Variants in SAMD12 observed in about 807,000 individuals in gnomAD.
SAMD12 encodes the protein sterile alpha motif domain-containing protein 12.
A neutral mutation model predicts 15.0 loss-of-function variants in SAMD12; 9 were observed. The ratio of observed to expected loss-of-function variants is 0.60; its 90% CI spans 0.36 to 1.05. The LOEUF is 1.05. Ranked by LOEUF, SAMD12 falls within the 50% of genes least tolerant of loss-of-function variation. The pLI is 0.01. For synonymous variants in SAMD12, 86 were observed against 90.1 expected (o/e 0.96, Z 0.25); for missense variants, 230 against 234.2 (o/e 0.98, Z 0.12).
intron 2 of SAMD12, among the ~76,000 whole-genome samples, chr8:118,492,655 C>A (rs2131018607): frequency 6.6e-6 from 1 of 152,104 alleles, no homozygotes; most frequent in African/African-American, 2.4e-5. Context: ...CCAGTATATC[C>A]CCCAGTTATT....
the SAMD12 span, among the ~76,000 whole-genome samples, chr8:118,177,377 A>G: frequency 6.6e-6 from 1 of 151,950 alleles, no homozygotes; most frequent in South Asian, 2.1e-4. Flanking sequence ...AGTAGCTGGG[A>G]CTATGGGCAT....
chr8:118,515,169 C>A (rs10091934), intron 2 of SAMD12, among the ~76,000 whole-genome samples: 8,226 of 149,594 alleles, frequency 0.055, 740 homozygotes, highest in African/African-American at 0.19. Flanking sequence ...TAGGCGCCCG[C>A]CACCACGCCC....
chr8:118,438,312 G>A (rs186635890), intron 3 of SAMD12, among the ~76,000 whole-genome samples: 3 of 152,186 alleles, frequency 2.0e-5, no homozygotes, highest in Admixed American at 1.3e-4. Context: ...AGCTACAATT[G>A]GGTGTTTTCC....
intron 2 of SAMD12, among the ~76,000 whole-genome samples, chr8:118,554,233 C>A (rs1025738451): frequency 9.2e-5 from 14 of 152,068 alleles, no homozygotes; most frequent in Non-Finnish European, 1.3e-4. Context: ...CACATGCACA[C>A]GTATGTTTAT....
intron 4 of SAMD12, among the ~76,000 whole-genome samples, chr8:118,214,295 C>T (rs182408643): frequency 2.0e-4 from 31 of 152,342 alleles, no homozygotes; most frequent in African/African-American, 7.0e-4. Context: ...ACTACAATGT[C>T]ACTTTAGACA....
rs189429842 is a variant in SAMD12, at chr8:118,582,600, C to T, written c.14-1707G>A. On this transcript the variant is annotated intron_variant, in intron 1 of 3. Coordinates refer to ENST00000314727, the MANE Select transcript of SAMD12 (RefSeq NM_207506.3). ...TATTAGTTCATACCTCCCTTTTGGG[C>T]TTTGTTCTGAATCTCAAATGATCTT... is the stretch of plus-strand genomic sequence containing the variant. Among the ~76,000 whole-genome samples the T allele has an allele frequency of 4.0e-3, 609 of 152,280 alleles. 3 individuals are homozygous for T. The highest frequency in any genetic ancestry group is 6.9e-3 in the Non-Finnish European group (470 of 68,022).
chr8:118,309,494 C>T (rs1815528786), intron 4 of SAMD12, among the ~76,000 whole-genome samples: 1 of 151,874 alleles, frequency 6.6e-6, no homozygotes, highest in South Asian at 2.1e-4. Context: ...GAATTGTGCT[C>T]TTACAAATAT....
In SAMD12 at chr8:118,329,091, A is replaced by G. The variant is rs192465851; in HGVS notation, c.433+50469T>C. On this transcript the variant is annotated intron_variant, in intron 4 of 4. Coordinates refer to the SAMD12 transcript ENST00000409003. ...TAAGAGTGCAGCACAGTTGTTTGCT[A>G]AAGATTAAGAGGAAGAAATTTTGGA... Among the ~76,000 whole-genome samples, 53 of 152,308 alleles carry G rather than the reference A, an allele frequency of 3.5e-4. 1 individual carries two copies. In the Middle Eastern group the frequency reaches 0.01, roughly 29 times the overall value.
chr8:118,544,301 A>G (rs1228252551), intron 2 of SAMD12, among the ~76,000 whole-genome samples: 1 of 152,214 alleles, frequency 6.6e-6, no homozygotes, highest in Non-Finnish European at 1.5e-5. Context: ...AAAGTGAAGT[A>G]GTCTTCCACA....
At chr8:118,253,244 G>A (rs1352448270) in intron 4 of SAMD12, among the ~76,000 whole-genome samples, 1 of 152,190 alleles carries the variant, frequency 6.6e-6, no homozygotes, top group Non-Finnish European at 1.5e-5. Context: ...CAGAAAGGCA[G>A]TGTACTATTA....
At chr8:118,534,060 T>A (rs962208615) in intron 2 of SAMD12, among the ~76,000 whole-genome samples, 1 of 152,240 alleles carries the variant, frequency 6.6e-6, no homozygotes, top group Non-Finnish European at 1.5e-5. Flanking sequence ...CAATTTGGCA[T>A]GTTTTTGCAG....
At chr8:118,612,841 A>G (rs1368733999) in intron 1 of SAMD12, among the ~76,000 whole-genome samples, 1 of 152,262 alleles carries the variant, frequency 6.6e-6, no homozygotes, top group African/African-American at 2.4e-5. Context: ...AAACTGCTGT[A>G]TAGATATTCC....
intron 2 of SAMD12, among the ~76,000 whole-genome samples, chr8:118,553,491 G>GA (rs1356086602): frequency 1.3e-5 from 2 of 152,324 alleles, no homozygotes; most frequent in East Asian, 1.9e-4. Context: ...GTAGAAAGCT[G>GA]AAACTGGATC....
At chr8:118,345,948 G>A (rs1210972028) in intron 4 of SAMD12, among the ~76,000 whole-genome samples, 2 of 152,200 alleles carry the variant, frequency 1.3e-5, no homozygotes. Context: ...ACCAGGAAAG[G>A]TGCTGAAAGA....
chr8:118,311,737 T>A (rs1288926424), intron 4 of SAMD12, among the ~76,000 whole-genome samples: 11 of 152,238 alleles, frequency 7.2e-5, no homozygotes, highest in Non-Finnish European at 1.5e-4. Flanking sequence ...ACACCCATCC[T>A]TCTCAGAAAC....
chr8:118,591,966 C>A (rs1257092623), intron 1 of SAMD12, among the ~76,000 whole-genome samples: 1 of 151,858 alleles, frequency 6.6e-6, no homozygotes, highest in Non-Finnish European at 1.5e-5. Flanking sequence ...GGTGGTGATA[C>A]CTATTAAAAA....
At chr8:118,196,009 T>G (rs1355902998) in exon 5 of SAMD12, 2 of 152,218 alleles carry the variant, frequency 1.3e-5, no homozygotes, top group African/African-American at 4.8e-5. Context: ...CAGATCTTGG[T>G]GGTGACTGCA....
chr8:118,338,853 G>GA (rs1385383430), intron 4 of SAMD12, among the ~76,000 whole-genome samples: 4 of 152,024 alleles, frequency 2.6e-5, no homozygotes, highest in African/African-American at 9.7e-5. Context: ...TAAACAAATA[G>GA]AAATCTTCCA....
At chr8:118,169,623 G>A in the SAMD12 span, among the ~76,000 whole-genome samples, 1 of 152,202 alleles carries the variant, frequency 6.6e-6, no homozygotes, top group South Asian at 2.1e-4. Context: ...CCAATGTTAT[G>A]TGCAGAAATC....
Sources: allele counts gnomAD v4.1 joint callset (sites outside exome capture counted in the v4.1 genomes callset), GRCh38; gene constraint gnomAD v4.1.1; transcripts MANE v1.5; gene names NCBI Gene and HGNC (gene_info 2026-07-23, HGNC 2026-07-21).